Variants in CHST9 observed in about 807,000 individuals in gnomAD.
CHST9 encodes the protein GalNAc-4-sulfotransferase 2.
CHST9 carries 41 observed loss-of-function variants against 44.4 expected under a neutral mutation model. That is an observed-to-expected ratio of 0.92 (90% confidence interval 0.72 to 1.20). The LOEUF is 1.20. CHST9 is among the 50% of genes most tolerant of loss of function. The probability of loss-of-function intolerance (pLI) is 0.00; values close to 1 mark genes in which losing one functional copy is unlikely to be tolerated. For missense variants in CHST9, 504 were observed against 516.5 expected (o/e 0.98, Z 0.23); for synonymous variants, 171 against 178.4 (o/e 0.96, Z 0.33).
chr18:27,179,055 C>T (rs2058890163), intron 1 of CHST9, among the ~76,000 whole-genome samples: 1 of 140,560 alleles, frequency 7.1e-6, no homozygotes, highest in African/African-American at 2.7e-5. Context: ...CATATACGTA[C>T]ATGCATACAT....
chr18:27,100,743 CAAAT>C (rs1449470626), intron 2 of CHST9, among the ~76,000 whole-genome samples: 2 of 152,114 alleles, frequency 1.3e-5, no homozygotes, highest in Admixed American at 6.5e-5. Flanking sequence ...ATATGGGCAA[CAAAT>C]AAATCATAAT....
At chr18:27,001,870 C>A (rs1452327410) in intron 4 of CHST9, among the ~76,000 whole-genome samples, 22 of 152,044 alleles carry the variant, frequency 1.4e-4, no homozygotes, top group Admixed American at 1.2e-3. Context: ...ACCCACGGAA[C>A]AGAAGACATT....
At chr18:27,119,260 C>T (rs1421830236) in intron 2 of CHST9, among the ~76,000 whole-genome samples, 1 of 152,086 alleles carries the variant, frequency 6.6e-6, no homozygotes, top group African/African-American at 2.4e-5. Flanking sequence ...ATCGATATGC[C>T]TAGAAACAAA....
intron 2 of CHST9, among the ~76,000 whole-genome samples, chr18:27,066,977 A>T (rs1410510786): frequency 2.6e-5 from 4 of 152,004 alleles, no homozygotes; most frequent in African/African-American, 9.7e-5. Context: ...CATGTGTGTG[A>T]TCTCTTGATT....
intron 2 of CHST9, among the ~76,000 whole-genome samples, chr18:27,052,254 GTATATATATATGTGTATATATA>G (rs1255323925): frequency 2.7e-5 from 4 of 148,176 alleles, no homozygotes; most frequent in Non-Finnish European, 4.5e-5. Flanking sequence ...AGGTGTGTGT[GTATATATATATGTGTATATATA>G]TGTATATATA....
intron 2 of CHST9, among the ~76,000 whole-genome samples, chr18:27,126,435 C>T (rs2058424599): frequency 3.3e-5 from 5 of 152,124 alleles, no homozygotes; most frequent in Admixed American, 3.3e-4. Flanking sequence ...TTTAAATCTA[C>T]CCTCGTGAGG....
At chr18:26,979,641 T>C (rs1290406013) in intron 4 of CHST9, among the ~76,000 whole-genome samples, 1 of 152,140 alleles carries the variant, frequency 6.6e-6, no homozygotes, top group African/African-American at 2.4e-5. Flanking sequence ...AATTTAATTG[T>C]CTATATTTGT....
chr18:27,053,073 G>A (rs1050830299), intron 2 of CHST9, among the ~76,000 whole-genome samples: 2 of 145,746 alleles, frequency 1.4e-5, no homozygotes, highest in Non-Finnish European at 3.0e-5. Context: ...ATGTATCCCA[G>A]AACTTAAAGT....
chr18:26,910,530 A>G lies in CHST9; in HGVS notation c.*5729T>C, dbSNP rs960524896. 2 of 152,184 alleles carry G rather than the reference A, an allele frequency of 1.3e-5. No individual in the cohort carries two copies. Among genetic ancestry groups the G allele is most frequent in the African/African-American group, 2.4e-5 (1 of 41,440 alleles). The allele number at this position is 152,184 out of a possible 1,614,324, so 9.4% of individuals were successfully genotyped here. On this transcript the variant is annotated 3_prime_UTR_variant, in exon 6 of 6. Coordinates refer to ENST00000618847, the MANE Select transcript of CHST9 (RefSeq NM_031422.6). ...GAGATCTCCAACCTCATCTAAAGGG[A>G]CTGACCTTGCCTCTGTCCAACTATT...
intron 2 of CHST9, among the ~76,000 whole-genome samples, chr18:27,058,748 T>C (rs2057687294): frequency 6.6e-6 from 1 of 152,092 alleles, no homozygotes; most frequent in Admixed American, 6.5e-5. Context: ...ATTTTCCAGC[T>C]CTAGTCACCT....
At chr18:27,090,178 G>T (rs1598715579) in intron 2 of CHST9, among the ~76,000 whole-genome samples, 1 of 152,206 alleles carries the variant, frequency 6.6e-6, no homozygotes, top group East Asian at 1.9e-4. Flanking sequence ...GTTTTGATTT[G>T]CATTTCTCTG....
At chr18:27,082,425 C>T (rs1454564236) in intron 2 of CHST9, among the ~76,000 whole-genome samples, 2 of 152,138 alleles carry the variant, frequency 1.3e-5, no homozygotes, top group African/African-American at 2.4e-5. Flanking sequence ...TAAGTACAAA[C>T]TCCTTATAAT....
intron 2 of CHST9, among the ~76,000 whole-genome samples, chr18:27,081,396 G>A (rs1209862702): frequency 6.6e-6 from 1 of 152,116 alleles, no homozygotes; most frequent in African/African-American, 2.4e-5. Context: ...TCAGACGAAG[G>A]CTGCAGCAGT....
intron 5 of CHST9, among the ~76,000 whole-genome samples, chr18:26,927,499 G>A (rs1242054921): frequency 6.6e-6 from 1 of 152,172 alleles, no homozygotes; most frequent in Non-Finnish European, 1.5e-5. Flanking sequence ...TAGGGTAACA[G>A]TGGGGAGAGG....
At chr18:26,965,751 G>A (rs552054455) in intron 4 of CHST9, among the ~76,000 whole-genome samples, 2 of 152,324 alleles carry the variant, frequency 1.3e-5, no homozygotes, top group South Asian at 4.1e-4. Context: ...CATCTGTCGA[G>A]TTAAGGGTAA....
intron 4 of CHST9, among the ~76,000 whole-genome samples, chr18:27,019,096 T>C (rs376302879): frequency 1.5e-3 from 224 of 152,306 alleles, no homozygotes; most frequent in African/African-American, 4.9e-3. Context: ...TCTGCAGTGC[T>C]TGTGAATACG....
At chr18:26,972,620 T>C (rs1158517116) in intron 4 of CHST9, among the ~76,000 whole-genome samples, 1 of 152,044 alleles carries the variant, frequency 6.6e-6, no homozygotes, top group Non-Finnish European at 1.5e-5. Flanking sequence ...CTGCGAATGG[T>C]ACAAGGAGCC....
chr18:27,014,789 T>C (rs1265464171), intron 4 of CHST9, among the ~76,000 whole-genome samples: 2 of 152,212 alleles, frequency 1.3e-5, no homozygotes, highest in Non-Finnish European at 2.9e-5. Flanking sequence ...GATTTCTCAA[T>C]TGTAGTAAAC....
intron 1 of CHST9, among the ~76,000 whole-genome samples, chr18:27,181,737 T>G (rs1023573508): frequency 1.4e-4 from 21 of 152,366 alleles, no homozygotes; most frequent in Non-Finnish European, 2.9e-5. Context: ...TTTCTCAAAC[T>G]TTGACTATAA....
Sources: allele counts gnomAD v4.1 joint callset (sites outside exome capture counted in the v4.1 genomes callset), GRCh38; gene constraint gnomAD v4.1.1; transcripts MANE v1.5; gene names NCBI Gene and HGNC (gene_info 2026-07-23, HGNC 2026-07-21).